The following SPTLC3 variants were observed in gnomAD, a reference collection of about 807,000 sequenced individuals.
SPTLC3 encodes serine palmitoyltransferase long chain base subunit 3.
In SPTLC3, 36 loss-of-function variants were observed where a neutral mutation model predicts 59.3. That is an observed-to-expected ratio of 0.61 (90% CI 0.47 to 0.80). The LOEUF (loss-of-function observed/expected upper bound fraction) is 0.80. Ranked by LOEUF, SPTLC3 falls within the 30% of genes least tolerant of loss-of-function variation. The pLI, the probability that SPTLC3 is intolerant of heterozygous loss-of-function variation, is 0.00. For synonymous variants in SPTLC3, 257 were observed against 240.8 expected (o/e 1.07, Z -0.62); for missense variants, 625 against 685.1 (o/e 0.91, Z 0.98).
intron 1 of SPTLC3, among the ~76,000 whole-genome samples, chr20:13,032,695 G>T (rs998793397): frequency 5.3e-5 from 8 of 152,048 alleles, no homozygotes; most frequent in African/African-American, 1.7e-4. Flanking sequence ...CTCTGCTGGG[G>T]ACTCAATTTA....
At chr20:13,096,552 ACTGT>A (rs1335197103) in intron 6 of SPTLC3, among the ~76,000 whole-genome samples, 1 of 152,126 alleles carries the variant, frequency 6.6e-6, no homozygotes, top group African/African-American at 2.4e-5. Context: ...GTGTATACAT[ACTGT>A]CTGAGTTCAT....
intron 1 of SPTLC3, among the ~76,000 whole-genome samples, chr20:13,035,117 C>T (rs1436125310): frequency 6.6e-6 from 1 of 152,132 alleles, no homozygotes; most frequent in Non-Finnish European, 1.5e-5. Context: ...CAGCTGTTCC[C>T]TGAACATCTC....
intron 4 of SPTLC3, among the ~76,000 whole-genome samples, chr20:13,086,675 T>C (rs537582536): frequency 1.3e-5 from 2 of 152,216 alleles, no homozygotes; most frequent in South Asian, 2.1e-4. Context: ...TTGCTAACCA[T>C]GTGCCCACTG....
At chr20:13,064,279 T>TTTTG (rs764065552) in intron 2 of SPTLC3, among the ~76,000 whole-genome samples, 3,664 of 136,502 alleles carry the variant, frequency 0.027, 56 homozygotes, top group African/African-American at 0.054. Flanking sequence ...TTCTTTTTTT[T>TTTTG]TTTTGTTTTG....
chr20:13,124,977 G>A (rs2037955051), intron 8 of SPTLC3, among the ~76,000 whole-genome samples: 1 of 152,202 alleles, frequency 6.6e-6, no homozygotes. Context: ...ATTCTGAGCT[G>A]TGCCGTTATT....
At chr20:13,153,524 G>A (rs1232565668) in intron 9 of SPTLC3, among the ~76,000 whole-genome samples, 2 of 152,014 alleles carry the variant, frequency 1.3e-5, no homozygotes, top group African/African-American at 4.8e-5. Flanking sequence ...AATTCAGATT[G>A]GATGAAGGAT....
intron 7 of SPTLC3, among the ~76,000 whole-genome samples, chr20:13,116,035 A>G (rs1258076471): frequency 2.6e-5 from 4 of 152,132 alleles, no homozygotes; most frequent in Non-Finnish European, 5.9e-5. Context: ...AGAAAAGACA[A>G]CTGTATTTGG....
At chr20:13,141,095 AG>A (rs774521950) in intron 9 of SPTLC3, among the ~76,000 whole-genome samples, 51 of 152,280 alleles carry the variant, frequency 3.3e-4, no homozygotes, top group Non-Finnish European at 5.1e-4. Flanking sequence ...TAGGGCATTG[AG>A]GGGGGAAAGA....
chr20:13,039,443 G>T (rs961618439), intron 1 of SPTLC3, among the ~76,000 whole-genome samples: 1 of 151,764 alleles, frequency 6.6e-6, no homozygotes, highest in Non-Finnish European at 1.5e-5. Context: ...GCTTTCTTAC[G>T]GGTGCTGTTT....
chr20:13,062,134 C>T (rs1988001644), intron 2 of SPTLC3, among the ~76,000 whole-genome samples: 1 of 152,200 alleles, frequency 6.6e-6, no homozygotes, highest in Non-Finnish European at 1.5e-5. Flanking sequence ...ATCTGCATAT[C>T]TCACTCTTTG....
intron 4 of SPTLC3, among the ~76,000 whole-genome samples, chr20:13,087,175 C>T (rs1289858421): frequency 6.6e-6 from 1 of 152,226 alleles, no homozygotes; most frequent in African/African-American, 2.4e-5. Flanking sequence ...GACATACCCA[C>T]TTCTCATGAG....
At chr20:13,052,478 G>A (rs60498106) in intron 2 of SPTLC3, among the ~76,000 whole-genome samples, 1 of 149,868 alleles carries the variant, frequency 6.7e-6, no homozygotes, top group African/African-American at 2.5e-5. Context: ...GGCTGCAGGA[G>A]TTTTTTTGTT....
At chr20:13,104,411 C>T (rs556562814) in intron 6 of SPTLC3, among the ~76,000 whole-genome samples, 1 of 152,302 alleles carries the variant, frequency 6.6e-6, no homozygotes, top group East Asian at 1.9e-4. Context: ...TTTCCCCTTT[C>T]ACTTGGCTCC....
At chr20:13,026,931 C>T (rs1600213329) in intron 1 of SPTLC3, among the ~76,000 whole-genome samples, 2 of 152,294 alleles carry the variant, frequency 1.3e-5, no homozygotes, top group South Asian at 4.1e-4. Flanking sequence ...AGTGCTCAAC[C>T]TTTGACTGAT....
intron 9 of SPTLC3, among the ~76,000 whole-genome samples, chr20:13,135,263 G>A (rs2038216044): frequency 6.6e-6 from 1 of 152,172 alleles, no homozygotes; most frequent in African/African-American, 2.4e-5. Context: ...GCTAGGTGTT[G>A]ATTTATCATA....
At chr20:13,010,535 G>A (rs1277411951) in intron 1 of SPTLC3, among the ~76,000 whole-genome samples, 1 of 152,152 alleles carries the variant, frequency 6.6e-6, no homozygotes, top group Non-Finnish European at 1.5e-5. Context: ...ACTGTCCAAC[G>A]CTGGGAGGTG....
intron 1 of SPTLC3, among the ~76,000 whole-genome samples, chr20:13,048,006 C>T (rs1291605737): frequency 6.6e-6 from 1 of 152,090 alleles, no homozygotes; most frequent in African/African-American, 2.4e-5. Context: ...ATCTTTCCTA[C>T]TACAATTAAT....
intron 9 of SPTLC3, among the ~76,000 whole-genome samples, chr20:13,147,050 C>G (rs2038529308): frequency 6.6e-6 from 1 of 152,160 alleles, no homozygotes; most frequent in Non-Finnish European, 1.5e-5. Flanking sequence ...ATCTGAGCAG[C>G]TGGTGGGAGG....
At chr20:13,058,753 T>G (rs1298717829) in intron 2 of SPTLC3, among the ~76,000 whole-genome samples, 2 of 152,196 alleles carry the variant, frequency 1.3e-5, no homozygotes, top group Admixed American at 1.3e-4. Flanking sequence ...GGGGCCAAGA[T>G]TCTGTAGCTA....
Sources: gnomAD v4.1 joint callset for allele counts (sites outside exome capture counted in the v4.1 genomes callset) on GRCh38, gnomAD v4.1.1 for gene constraint, MANE v1.5 for transcripts, NCBI Gene and HGNC (gene_info 2026-07-23, HGNC 2026-07-21) for gene names.